ROBO2: variants seen among roughly 807,000 people sequenced by gnomAD.
ROBO2 encodes roundabout guidance receptor 2.
In ROBO2, 53 loss-of-function variants were observed where a neutral mutation model predicts 160.8. That is an observed-to-expected ratio of 0.33 (90% confidence interval 0.26 to 0.41). The LOEUF (loss-of-function observed/expected upper bound fraction) is 0.41. Ranked by LOEUF, ROBO2 falls within the 10% of genes least tolerant of loss-of-function variation. The probability of loss-of-function intolerance (pLI) is 1.00; values close to 1 mark genes in which losing one functional copy is unlikely to be tolerated. For synonymous variants in ROBO2, 664 were observed against 611.7 expected (o/e 1.09, Z -1.26); for missense variants, 1,577 against 1,722.4 (o/e 0.92, Z 1.49).
intron 2 of ROBO2, among the ~76,000 whole-genome samples, chr3:77,405,056 G>T (rs775571349): frequency 7.2e-5 from 11 of 152,104 alleles, no homozygotes; most frequent in Non-Finnish European, 1.5e-4. Flanking sequence ...GAGACTATGA[G>T]TTTCTTGGAA....
intron 2 of ROBO2, among the ~76,000 whole-genome samples, chr3:75,966,074 TCTTAA>T (rs1949099238): frequency 6.6e-6 from 1 of 151,740 alleles, no homozygotes. Flanking sequence ...AGCATGTTCA[TCTTAA>T]CTTGACTATT....
intron 2 of ROBO2, among the ~76,000 whole-genome samples, chr3:76,375,261 GT>G (rs756374674): frequency 1.5e-4 from 23 of 151,916 alleles, no homozygotes; most frequent in Non-Finnish European, 3.2e-4. Flanking sequence ...CACTGATAAT[GT>G]TTGGGTAGTT....
chr3:76,622,257 A>AGAAAGAAG lies in ROBO2; in HGVS notation c.110-475750_110-475749insGGAAAGAA, dbSNP rs1560252550. On this transcript the variant is annotated intron_variant, in intron 2 of 26. Coordinates refer to the ROBO2 transcript ENST00000487694. ...AAGGAAGAAAGAAAGAAAGAAAGAAAGAAAGAAAGAAAGAAAGAAAGAAAG... is the reference window on the plus strand; with the variant it reads ...AAGGAAGAAAGAAAGAAAGAAAGAAAGAAAGAAGGAAAGAAAGAAAGAAAGAAAGAAAG... Among the ~76,000 whole-genome samples, 11 of 62,136 alleles carry AGAAAGAAG rather than the reference A, an allele frequency of 1.8e-4. 1 individual carries two copies. Among genetic ancestry groups the AGAAAGAAG allele is most frequent in the African/African-American group, 2.6e-4 (4 of 15,106 alleles). The allele number at this position is 62,136 out of a possible 152,430, so 40.8% of individuals were successfully genotyped here.
At chr3:76,026,428 T>C (rs1295453836) in intron 2 of ROBO2, among the ~76,000 whole-genome samples, 1 of 151,958 alleles carries the variant, frequency 6.6e-6, no homozygotes. Context: ...TTTTTCTCTA[T>C]ATACACTTTT....
At position 77,040,122 on chromosome 3, in the gene ROBO2, CGAAT is replaced by C. The variant is rs2063946585; in HGVS notation, c.-663_-660del. 4 of 985,178 alleles carry C rather than the reference CGAAT, an allele frequency of 4.1e-6. No homozygotes were observed. The Admixed American group carries it at 2.5e-4, about 61-fold the overall frequency. The allele number at this position is 985,178 out of a possible 1,614,324, so 61.0% of individuals were successfully genotyped here. ...CACGTAGGAGTTCGGATTCTCCACC[CGAAT>C]CGTCCTGATTTCCCTTCTCCTCTCT... is the stretch of plus-strand genomic sequence containing the variant. On this transcript the variant is annotated 5_prime_UTR_variant, in exon 1 of 26. Transcript: ENST00000461745.
chr3:75,995,190 G>T (rs1162229310), intron 2 of ROBO2, among the ~76,000 whole-genome samples: 2 of 152,200 alleles, frequency 1.3e-5, no homozygotes, highest in Non-Finnish European at 2.9e-5. Flanking sequence ...TAGGGAAAAT[G>T]TCTCCAGGGT....
At chr3:76,041,595 T>A (rs1302587292) in intron 2 of ROBO2, among the ~76,000 whole-genome samples, 1 of 152,130 alleles carries the variant, frequency 6.6e-6, no homozygotes, top group Non-Finnish European at 1.5e-5. Context: ...GTCTTTTCCA[T>A]CTAACTTTAA....
intron 2 of ROBO2, among the ~76,000 whole-genome samples, chr3:76,271,751 T>C (rs1707444775): frequency 1.3e-5 from 2 of 151,888 alleles, no homozygotes; most frequent in African/African-American, 2.4e-5. Context: ...CTTTTCATCC[T>C]TCTCTCCTCT....
chr3:77,579,894 T>G, intron 15 of ROBO2, 53 bp from the exon 17 acceptor site: 1 of 1,495,206 alleles, frequency 6.7e-7, no homozygotes, highest in East Asian at 2.3e-5. Flanking sequence ...GTAGTCTCGT[T>G]ACCAGAAACG....
At chr3:76,006,819 A>G (rs996049754) in intron 2 of ROBO2, among the ~76,000 whole-genome samples, 1 of 152,100 alleles carries the variant, frequency 6.6e-6, no homozygotes, top group African/African-American at 2.4e-5. Flanking sequence ...TAAAATGCAG[A>G]CTATCCTGCA....
At chr3:75,997,496 A>ATTTTTTTTTT (rs1414362363) in intron 2 of ROBO2, among the ~76,000 whole-genome samples, 23 of 46,554 alleles carry the variant, frequency 4.9e-4, no homozygotes, top group Middle Eastern at 0.02. Context: ...TTGTTCATCC[A>ATTTTTTTTTT]TTCTTTTTTT....
Position 76,434,455 on chromosome 3 carries a change from T to C in ROBO2, c.109+496853T>C, listed in dbSNP as rs1304484600. On this transcript the variant is annotated intron_variant, in intron 2 of 26. Coordinates refer to the ROBO2 transcript ENST00000487694. ...CTATGGCCCCCAAGCCTGGCACTTA[T>C]GTGAAAGAAATGAATGATGCTGCCA... is the stretch of plus-strand genomic sequence containing the variant. The C allele has an allele frequency of 3.9e-6, 6 of 1,551,074 alleles. No homozygotes were observed. In the African/African-American group the frequency reaches 5.4e-5, roughly 14 times the overall value.
chr3:77,562,106 G>A (rs1270582354), intron 9 of ROBO2, among the ~76,000 whole-genome samples: 1 of 151,454 alleles, frequency 6.6e-6, no homozygotes, highest in Admixed American at 6.6e-5. Context: ...TCTGTCTCGG[G>A]GTAAAAAAAA....
At chr3:76,976,130 G>A (rs1410755644) in intron 2 of ROBO2, among the ~76,000 whole-genome samples, 1 of 152,138 alleles carries the variant, frequency 6.6e-6, no homozygotes, top group Non-Finnish European at 1.5e-5. Flanking sequence ...CTAAACTGAA[G>A]ACTCACTTCA....
At chr3:77,224,271 C>T (rs903834585) in intron 2 of ROBO2, among the ~76,000 whole-genome samples, 1 of 151,926 alleles carries the variant, frequency 6.6e-6, no homozygotes, top group African/African-American at 2.4e-5. Flanking sequence ...CATGTTGTCC[C>T]AATCGAAAGG....
chr3:76,829,817 C>T (rs958883851), intron 2 of ROBO2, among the ~76,000 whole-genome samples: 3 of 151,984 alleles, frequency 2.0e-5, no homozygotes, highest in South Asian at 2.1e-4. Context: ...TACAGGCATG[C>T]GCCACCATGC....
intron 2 of ROBO2, among the ~76,000 whole-genome samples, chr3:76,272,540 G>A (rs1047204081): frequency 6.6e-5 from 10 of 150,424 alleles, no homozygotes; most frequent in African/African-American, 2.4e-4. Context: ...GCGCGTGCCT[G>A]TAATCCCAGC....
At chr3:76,326,156 T>G (rs2107954783) in intron 2 of ROBO2, among the ~76,000 whole-genome samples, 1 of 152,316 alleles carries the variant, frequency 6.6e-6, no homozygotes, top group African/African-American at 2.4e-5. Context: ...GTAATTATCA[T>G]AGCGTGTTGG....
At chr3:77,626,682 G>A (rs1425034268) in intron 23 of ROBO2, among the ~76,000 whole-genome samples, 4 of 152,168 alleles carry the variant, frequency 2.6e-5, no homozygotes, top group Non-Finnish European at 5.9e-5. Context: ...AAGGCAGTAG[G>A]AGAGAGTGCA....
Sources: allele counts gnomAD v4.1 joint callset (sites outside exome capture counted in the v4.1 genomes callset), GRCh38; gene constraint gnomAD v4.1.1; transcripts MANE v1.5; gene names NCBI Gene and HGNC (gene_info 2026-07-23, HGNC 2026-07-21).